Variants in BTBD10 observed in about 807,000 individuals in gnomAD.
BTBD10 encodes BTB/POZ domain-containing protein 10.
In BTBD10, 21 loss-of-function variants were observed where a neutral mutation model predicts 53.2. The ratio of observed to expected loss-of-function variants is 0.39; its 90% CI spans 0.28 to 0.57. The LOEUF (loss-of-function observed/expected upper bound fraction) is 0.57, where lower values mean the gene tolerates loss of function less well. BTBD10 is among the 20% of genes least tolerant of loss of function. BTBD10 has a pLI of 0.53. For synonymous variants in BTBD10, 149 were observed against 192.7 expected (o/e 0.77, Z 1.88); for missense variants, 360 against 594.7 (o/e 0.61, Z 4.10).
chr11:13,415,598 T>A (rs1950085630), intron 5 of BTBD10, among the ~76,000 whole-genome samples: 1 of 151,848 alleles, frequency 6.6e-6, no homozygotes, highest in South Asian at 2.1e-4. Flanking sequence ...TTTTTAGACA[T>A]ATATAACAAA....
chr11:13,431,568 A>C (rs1950448610), intron 2 of BTBD10, among the ~76,000 whole-genome samples: 1 of 152,188 alleles, frequency 6.6e-6, no homozygotes, highest in Non-Finnish European at 1.5e-5. Flanking sequence ...TTTGTTTCAA[A>C]ATCATGCTTT....
At chr11:13,443,604 T>C (rs1950702700) in intron 2 of BTBD10, among the ~76,000 whole-genome samples, 1 of 151,998 alleles carries the variant, frequency 6.6e-6, no homozygotes, top group Admixed American at 6.6e-5. Flanking sequence ...CCAATACTTT[T>C]TTTTTTTTGA....
intron 1 of BTBD10, among the ~76,000 whole-genome samples, chr11:13,453,236 G>A (rs1332164630): frequency 1.3e-5 from 2 of 151,776 alleles, no homozygotes; most frequent in Non-Finnish European, 1.5e-5. Flanking sequence ...ACACAGATAT[G>A]CATTATGTAA....
rs113229544 is a variant in BTBD10, at chr11:13,442,882, G to A, written c.101+2142C>T. Among the ~76,000 whole-genome samples, 9 of 152,104 alleles carry A rather than the reference G, an allele frequency of 5.9e-5. 3 individuals carry two copies. The highest frequency in any genetic ancestry group is 2.2e-4 in the African/African-American group (9 of 41,482). ...AAATCATACTTTTTAAGTGTCCTAA[G>A]TTATATGTTCCTAAGCATATGGGAC... On this transcript the variant is annotated intron_variant, in intron 2 of 8. Transcript: ENST00000278174.
chr11:13,395,499 C>T (rs1399673502), intron 8 of BTBD10, among the ~76,000 whole-genome samples: 2 of 152,174 alleles, frequency 1.3e-5, no homozygotes, highest in African/African-American at 4.8e-5. Context: ...TGCCTGTTCA[C>T]TCTGATGGTG....
At chr11:13,393,240 A>C (rs1170779804) in intron 8 of BTBD10, among the ~76,000 whole-genome samples, 1 of 152,230 alleles carries the variant, frequency 6.6e-6, no homozygotes, top group Non-Finnish European at 1.5e-5. Flanking sequence ...ATATGGGACC[A>C]CAGAGCTAAA....
intron 1 of BTBD10, among the ~76,000 whole-genome samples, chr11:13,461,571 G>C (rs1009510241): frequency 6.6e-6 from 1 of 152,206 alleles, no homozygotes; most frequent in Non-Finnish European, 1.5e-5. Flanking sequence ...GCAGACCACA[G>C]TGGTTTGCAA....
Position 13,391,645 on chromosome 11 carries a change from T to A in BTBD10, c.1118-2504A>T, listed in dbSNP as rs367708592. 2.6e-5 allele frequency among the ~76,000 whole-genome samples: 4 copies of A among 152,270 alleles called. No homozygotes were observed. In the East Asian group the frequency reaches 5.8e-4, roughly 22 times the overall value. On this transcript the variant is annotated intron_variant, in intron 8 of 8. Coordinates refer to ENST00000278174, the MANE Select transcript of BTBD10 (RefSeq NM_032320.7). ...ATGCCAGTTATAAGTAATAACCTCT[T>A]CCAATATCCATCTTACTCAACATTT...
At chr11:13,457,985 C>T (rs1030153205) in intron 1 of BTBD10, among the ~76,000 whole-genome samples, 1 of 151,948 alleles carries the variant, frequency 6.6e-6, no homozygotes, top group African/African-American at 2.4e-5. Context: ...TCAAACTACT[C>T]ATCATAAAAC....
At position 13,445,154 on chromosome 11, in the gene BTBD10, C is replaced by T. The variant is rs542776216; in HGVS notation, c.-30G>A. 3 of 1,527,928 alleles carry T rather than the reference C, an allele frequency of 2.0e-6. No individual in the cohort carries two copies. The highest frequency in any genetic ancestry group is 2.7e-6 in the Non-Finnish European group (3 of 1,102,266). 94.6% of individuals were successfully genotyped at this position (1,527,928 alleles called of 1,614,324 possible). On this transcript the variant is annotated 5_prime_UTR_variant, in exon 2 of 9. Transcript: ENST00000278174. ...CTCCAAGCTTCCTCACACTACTGCT[C>T]TGAAAGCACACATGTAGCACCCATA...
chr11:13,437,164 A>C (rs1950558516), intron 2 of BTBD10, among the ~76,000 whole-genome samples: 1 of 152,222 alleles, frequency 6.6e-6, no homozygotes, highest in South Asian at 2.1e-4. Flanking sequence ...ATATTCACAG[A>C]ACTAAAAATA....
At position 13,388,300 on chromosome 11, in the gene BTBD10, T is replaced by A. The variant is rs1949305643; in HGVS notation, c.*531A>T. ...TTAAATCTCATCCTGATCATTCAGA[T>A]AAGCCCAAGATAAATACTTTTTGCT... On this transcript the variant is annotated 3_prime_UTR_variant, in exon 9 of 9. Coordinates refer to ENST00000278174, the MANE Select transcript of BTBD10 (RefSeq NM_032320.7). 1 of 154,280 alleles carries A rather than the reference T, an allele frequency of 6.5e-6. No homozygotes were observed. The highest frequency in any genetic ancestry group is 1.4e-5 in the Non-Finnish European group (1 of 69,054). The allele number at this position is 154,280 out of a possible 1,614,324, so 9.6% of individuals were successfully genotyped here.
chr11:13,418,243 G>T (rs1009202786), intron 4 of BTBD10, among the ~76,000 whole-genome samples: 7 of 151,680 alleles, frequency 4.6e-5, no homozygotes, highest in African/African-American at 1.7e-4. Context: ...CATCCCCAAA[G>T]ACACACTTTA....
chr11:13,416,145 A>T (rs1266311826), intron 5 of BTBD10, among the ~76,000 whole-genome samples: 1 of 151,930 alleles, frequency 6.6e-6, no homozygotes, highest in African/African-American at 2.4e-5. Context: ...TGAGCTCAGG[A>T]GTTCAAGATC....
chr11:13,444,382 T>A (rs1356190050), intron 2 of BTBD10, among the ~76,000 whole-genome samples: 1 of 152,168 alleles, frequency 6.6e-6, no homozygotes, highest in East Asian at 1.9e-4. Context: ...GTGAGGTTTC[T>A]GAGTTGTCAA....
Position 13,405,830 on chromosome 11 carries a change from C to T in BTBD10, c.835G>A (p.Asp279Asn). ...AATTCAAATTGTCTACGAGCACCATCATTTGATAACTCATGCATTAGGGCA... is the reference window on the plus strand; with the variant it reads ...AATTCAAATTGTCTACGAGCACCATTATTTGATAACTCATGCATTAGGGCA... ...LSALMHELSN[D>N]GARRQFEFYL... is the part of the protein sequence containing the mutation. Residue 279 changes from aspartate to asparagine, a missense_variant, in exon 7 of 9, where the codon GAT (aspartate) becomes AAT (asparagine). Coordinates refer to ENST00000278174, the MANE Select transcript of BTBD10 (RefSeq NM_032320.7). 6.2e-7 allele frequency: 1 copy of T among 1,613,482 alleles called. No individual in the cohort carries two copies. Among genetic ancestry groups the T allele is most frequent in the Non-Finnish European group, 8.5e-7 (1 of 1,179,540 alleles).
chr11:13,448,764 C>T (rs981933583), intron 1 of BTBD10, among the ~76,000 whole-genome samples: 1 of 152,136 alleles, frequency 6.6e-6, no homozygotes, highest in African/African-American at 2.4e-5. Context: ...AATGGCTCCT[C>T]GTTTCCTATA....
In BTBD10 at chr11:13,400,842, A is replaced by G. The variant is rs140079963; in HGVS notation, c.1117+2326T>C. 3.2e-3 allele frequency among the ~76,000 whole-genome samples: 489 copies of G among 152,306 alleles called. 4 individuals are homozygous for G. Among genetic ancestry groups the G allele is most frequent in the African/African-American group, 0.011 (447 of 41,566 alleles). On this transcript the variant is annotated intron_variant, in intron 8 of 8. Coordinates refer to ENST00000278174, the MANE Select transcript of BTBD10 (RefSeq NM_032320.7). ...ATAATAGGGCAAATCCAGAAGTGGG[A>G]CCTTCTACAAGACAACTGGCCCAGA...
chr11:13,409,966 C>T (rs1312973605), intron 6 of BTBD10, among the ~76,000 whole-genome samples: 2 of 152,042 alleles, frequency 1.3e-5, no homozygotes, highest in African/African-American at 2.4e-5. Context: ...CACAGAGGCA[C>T]AAGAATGATA....
Sources: gnomAD v4.1 joint callset for allele counts (sites outside exome capture counted in the v4.1 genomes callset) on GRCh38, gnomAD v4.1.1 for gene constraint, MANE v1.5 for transcripts, NCBI Gene and HGNC (gene_info 2026-07-23, HGNC 2026-07-21) for gene names.